FANCL: variants seen among roughly 807,000 people sequenced by gnomAD.
FANCL encodes E3 ubiquitin-protein ligase FANCL.
A neutral mutation model predicts 59.4 loss-of-function variants in FANCL; 69 were observed. That is an observed-to-expected ratio of 1.16 (90% CI 0.96 to 1.42). The LOEUF (loss-of-function observed/expected upper bound fraction) is 1.42, where lower values mean the gene tolerates loss of function less well. Ranked by LOEUF, FANCL falls within the 40% of genes most tolerant of loss-of-function variation. The pLI is 0.00. For synonymous variants in FANCL, 180 were observed against 147.1 expected, an observed-to-expected ratio of 1.22 and a Z score of -1.62; for missense variants, 519 against 447.2, an observed-to-expected ratio of 1.16 and a Z score of -1.45.
In FANCL at chr2:58,240,177, A is replaced by G. The variant is rs548974790; in HGVS notation, c.96+1041T>C. Among the ~76,000 whole-genome samples the G allele has an allele frequency of 9.2e-5, 14 of 152,226 alleles. 1 individual carries two copies. In the South Asian group the frequency reaches 2.3e-3, roughly 25 times the overall value. ...TCTAAATGTTGTCTACAAGAGAATC[A>G]TATTTTCAGCTAGGTAATTCAAGAA... On this transcript the variant is annotated intron_variant, in intron 1 of 13. Transcript: ENST00000233741.
chr2:58,208,758 C>G (rs879473809), intron 5 of FANCL, among the ~76,000 whole-genome samples: 2 of 152,164 alleles, frequency 1.3e-5, no homozygotes, highest in Non-Finnish European at 2.9e-5. Flanking sequence ...CTTCCTAATG[C>G]GTGTCTTTAC....
intron 7 of FANCL, among the ~76,000 whole-genome samples, chr2:58,186,242 G>C (rs1393624800): frequency 6.6e-6 from 1 of 152,102 alleles, no homozygotes; most frequent in Admixed American, 6.6e-5. Flanking sequence ...TGAAAAATAA[G>C]TCAAATAATC....
At chr2:58,172,387 A>G (rs986029745) in intron 7 of FANCL, among the ~76,000 whole-genome samples, 1 of 152,144 alleles carries the variant, frequency 6.6e-6, no homozygotes, top group African/African-American at 2.4e-5. Context: ...ATGGCCAGGT[A>G]CTCCTCTGAG....
chr2:58,170,531 T>C (rs116263038), intron 7 of FANCL, among the ~76,000 whole-genome samples: 3 of 151,646 alleles, frequency 2.0e-5, no homozygotes, highest in Non-Finnish European at 4.4e-5. Context: ...TACACATAAA[T>C]GTAAACGAGC....
rs1051159786 is a variant in FANCL at position 58,186,188 on chromosome 2, C to T, written c.540+12406G>A. Reference sequence around the variant, plus strand: ...TTTAAAGAAGGCCTGCCAAGTTATACTGCTTAGGAGGTCATATATAATTGC... The same window carrying T: ...TTTAAAGAAGGCCTGCCAAGTTATATTGCTTAGGAGGTCATATATAATTGC... On this transcript the variant is annotated intron_variant, in intron 7 of 13. Coordinates refer to ENST00000233741, the MANE Select transcript of FANCL (RefSeq NM_018062.4). Among the ~76,000 whole-genome samples the T allele has an allele frequency of 3.3e-5, 5 of 152,192 alleles. No individual in the cohort carries two copies. In the East Asian group the frequency reaches 5.8e-4, roughly 18 times the overall value.
intron 5 of FANCL, among the ~76,000 whole-genome samples, chr2:58,218,600 G>A (rs186290632): frequency 1.3e-5 from 2 of 151,194 alleles, no homozygotes; most frequent in Admixed American, 6.6e-5. Context: ...AACTGAAAAT[G>A]AGTGAAGCCT....
chr2:58,216,066 T>G (rs1691689439), intron 5 of FANCL, among the ~76,000 whole-genome samples: 1 of 152,134 alleles, frequency 6.6e-6, no homozygotes. Flanking sequence ...TTGTCAAAAA[T>G]GGACCCCAAA....
intron 6 of FANCL, among the ~76,000 whole-genome samples, chr2:58,200,360 T>C (rs138465673): frequency 1.3e-5 from 2 of 152,194 alleles, no homozygotes; most frequent in Non-Finnish European, 2.9e-5. Context: ...CTGTTTCACA[T>C]GTAAAAATGA....
intron 7 of FANCL, among the ~76,000 whole-genome samples, chr2:58,188,342 A>C (rs1357888035): frequency 6.6e-6 from 1 of 152,146 alleles, no homozygotes; most frequent in Admixed American, 6.6e-5. Context: ...TAGTCTTCTA[A>C]CTTTTTTTCT....
intron 5 of FANCL, among the ~76,000 whole-genome samples, chr2:58,215,168 G>A (rs1396855463): frequency 1.3e-5 from 2 of 152,152 alleles, no homozygotes; most frequent in Non-Finnish European, 2.9e-5. Context: ...CCTAAAGAAT[G>A]ACTAGGTCCA....
At chr2:58,170,472 C>T (rs1686464950) in intron 7 of FANCL, among the ~76,000 whole-genome samples, 2 of 151,488 alleles carry the variant, frequency 1.3e-5, no homozygotes, top group African/African-American at 4.9e-5. Context: ...GAAGAAACTG[C>T]ATCAACTAAC....
intron 7 of FANCL, among the ~76,000 whole-genome samples, chr2:58,184,063 G>A (rs1043359394): frequency 6.6e-6 from 1 of 152,132 alleles, no homozygotes; most frequent in Non-Finnish European, 1.5e-5. Flanking sequence ...GAAAATCCAT[G>A]AAGTAGGTAT....
At chr2:58,167,262 T>C (rs1326848336) in intron 7 of FANCL, among the ~76,000 whole-genome samples, 3 of 152,102 alleles carry the variant, frequency 2.0e-5, no homozygotes, top group Non-Finnish European at 4.4e-5. Flanking sequence ...ACCCGAAAAA[T>C]AACCTTTGAG....
At chr2:58,188,612 T>C (rs550742498) in intron 7 of FANCL, among the ~76,000 whole-genome samples, 1 of 151,918 alleles carries the variant, frequency 6.6e-6, no homozygotes, top group Admixed American at 6.6e-5. Flanking sequence ...AGCTGATTTT[T>C]GTATTTTTTG....
At chr2:58,192,651 G>T (rs1315959194) in intron 7 of FANCL, among the ~76,000 whole-genome samples, 2 of 151,826 alleles carry the variant, frequency 1.3e-5, no homozygotes, top group Non-Finnish European at 2.9e-5. Flanking sequence ...CAGGAAGATA[G>T]GATGGAGTGA....
intron 7 of FANCL, among the ~76,000 whole-genome samples, chr2:58,172,873 A>T (rs557429394): frequency 1.3e-5 from 2 of 152,330 alleles, no homozygotes; most frequent in African/African-American, 4.8e-5. Context: ...AAAGGCGAAG[A>T]AGCTGAAAAC....
intron 7 of FANCL, among the ~76,000 whole-genome samples, chr2:58,175,246 T>C (rs1219983742): frequency 1.4e-5 from 2 of 147,920 alleles, no homozygotes; most frequent in African/African-American, 5.1e-5. Flanking sequence ...ACTATTACAA[T>C]CAATAGAAAA....
chr2:58,167,832 T>A (rs549719035), intron 7 of FANCL, among the ~76,000 whole-genome samples: 3 of 152,308 alleles, frequency 2.0e-5, no homozygotes, highest in African/African-American at 7.2e-5. Flanking sequence ...ATAGAAACAC[T>A]TCTCTTAGCA....
chr2:58,227,785 G>A (rs989729923), intron 3 of FANCL, among the ~76,000 whole-genome samples: 3 of 152,168 alleles, frequency 2.0e-5, no homozygotes, highest in African/African-American at 4.8e-5. Flanking sequence ...AGGCCCGGGG[G>A]TGGAGCCCTC....
Sources: gnomAD v4.1 joint callset for allele counts (sites outside exome capture counted in the v4.1 genomes callset) on GRCh38, gnomAD v4.1.1 for gene constraint, MANE v1.5 for transcripts, NCBI Gene and HGNC (gene_info 2026-07-23, HGNC 2026-07-21) for gene names.